TNC: variants seen among roughly 807,000 people sequenced by gnomAD.
The protein encoded by TNC is tenascin C, also known as tenascin.
TNC carries 109 observed loss-of-function variants against 202.4 expected under a neutral mutation model. That is an observed-to-expected ratio of 0.54 (90% confidence interval 0.46 to 0.63). The LOEUF is 0.63. Among genes scored for constraint, TNC ranks in the 30% least tolerant of loss-of-function variants. TNC has a pLI of 0.00. For synonymous variants in TNC, 1,007 were observed against 1,089.7 expected (o/e 0.92, Z 1.50); for missense variants, 2,756 against 2,833.3 (o/e 0.97, Z 0.62).
chr9:115,113,893 T>C (rs1316224772), intron 1 of TNC, among the ~76,000 whole-genome samples: 1 of 152,012 alleles, frequency 6.6e-6, no homozygotes, highest in Non-Finnish European at 1.5e-5. Flanking sequence ...GTTTCTAAAG[T>C]GGAAGAGAAG....
intron 25 of TNC, among the ~76,000 whole-genome samples, chr9:115,028,178 C>A (rs796883562): frequency 1.1e-4 from 17 of 152,260 alleles, no homozygotes; most frequent in African/African-American, 3.9e-4. Flanking sequence ...CCAAATTATC[C>A]TTAAGCTCCT....
In TNC at chr9:115,090,635, C is replaced by T. The variant is rs752376014; in HGVS notation, c.384G>A (p.Glu128=). ...TCAGGGAAGACACCAGGTTCTCCAG[C>T]TCCTCCAGTCTGCTCAGCAGCTCCT... ...DVKELLSRLE[E]LENLVSSLRE... is the part of the protein sequence containing the mutation. Residue 128 remains glutamate, a synonymous_variant, in exon 2 of 28, where the codon GAG becomes GAA. Transcript: ENST00000350763. 38 of 1,611,190 alleles carry T rather than the reference C, an allele frequency of 2.4e-5. No individual in the cohort carries two copies. Among genetic ancestry groups the T allele is most frequent in the Non-Finnish European group, 3.1e-5 (36 of 1,178,100 alleles).
intron 2 of TNC, among the ~76,000 whole-genome samples, chr9:115,087,920 G>A (rs552949291): frequency 1.3e-5 from 2 of 152,008 alleles, no homozygotes; most frequent in Non-Finnish European, 2.9e-5. Context: ...AGCCAGGATG[G>A]TCTCAATATC....
intron 1 of TNC, among the ~76,000 whole-genome samples, chr9:115,107,459 A>G (rs1753949622): frequency 6.6e-6 from 1 of 152,226 alleles, no homozygotes; most frequent in South Asian, 2.1e-4. Flanking sequence ...TTGAACAATA[A>G]GGAAACTAAC....
Position 115,084,301 on chromosome 9 carries a change from T to C in TNC, c.2039A>G (p.Gln680Arg), listed in dbSNP as rs1061494. 0.44 allele frequency: 709,160 copies of C among 1,613,844 alleles called. 158,340 individuals carry two copies. The highest frequency in any genetic ancestry group is 0.58 in the African/African-American group (43,346 of 74,954). ...GTACTCCACACCAGGCTCCAGCTCC[T>C]GGATGATGGTGGACGTCTGGTCCCC... Reference protein sequence around the residue: ...VPGDQTSTIIQELEPGVEYFI... With the variant: ...VPGDQTSTIIRELEPGVEYFI... Residue 680 changes from glutamine to arginine, a missense_variant, in exon 4 of 28, where the codon CAG (glutamine) becomes CGG (arginine). Physicochemically the swap from Gln to Arg is conservative, Grantham distance 43. This residue lies in a region of TNC where 2,559 missense variants were observed against 2,546.0 expected (regional missense o/e 1.01). Transcript: ENST00000350763.
At chr9:115,060,174 T>G (rs1832441807) in intron 13 of TNC, among the ~76,000 whole-genome samples, 172 bp from the exon 14 acceptor site, 1 of 152,198 alleles carries the variant, frequency 6.6e-6, no homozygotes, top group African/African-American at 2.4e-5. Context: ...CACAGTTGTC[T>G]TCAGGAGTTG....
intron 1 of TNC, among the ~76,000 whole-genome samples, chr9:115,108,511 C>G (rs928508524): frequency 2.0e-5 from 3 of 152,166 alleles, no homozygotes; most frequent in Admixed American, 6.5e-5. Flanking sequence ...CACCTCTCAC[C>G]CCATCTAAAA....
At chr9:115,108,159 G>A (rs1836758230) in intron 1 of TNC, among the ~76,000 whole-genome samples, 1 of 152,112 alleles carries the variant, frequency 6.6e-6, no homozygotes, top group African/African-American at 2.4e-5. Flanking sequence ...TGCCTATTTT[G>A]TCCCAAGCAG....
rs1347367852 is a variant in TNC, at chr9:115,086,119, C to T, written c.1612G>A (p.Gly538Ser). Residue 538 changes from glycine to serine, a missense_variant, in exon 3 of 28, where the codon GGC (glycine) becomes AGC (serine). By Grantham distance (56) the Gly-to-Ser change is moderately conservative. Coordinates refer to ENST00000350763, the MANE Select transcript of TNC (RefSeq NM_002160.4). ...TGCCCATTCACACAGCGACCCTGGCCATGGCAGTCATTTGGACAGGAGAGT... is the reference window on the plus strand; with the variant it reads ...TGCCCATTCACACAGCGACCCTGGCTATGGCAGTCATTTGGACAGGAGAGT... ...AELSCPNDCH[G>S]QGRCVNGQCV... 3.7e-6 allele frequency: 6 copies of T among 1,613,788 alleles called. No homozygotes were observed. Among genetic ancestry groups the T allele is most frequent in the Non-Finnish European group, 5.1e-6 (6 of 1,179,846 alleles).
At chr9:115,043,306 A>G (rs1009597682) in intron 17 of TNC, among the ~76,000 whole-genome samples, 24 of 151,798 alleles carry the variant, frequency 1.6e-4, no homozygotes, top group African/African-American at 5.6e-4. Context: ...TTTTTCTCTC[A>G]TCTAAGACAT....
In TNC at chr9:115,020,953, C is replaced by T; in HGVS notation, c.*204G>A. ...CAACAAAACAGAAACATGTTGGAGA[C>T]TGATGTCTTTGGTGCAAAGAAAGAA... On this transcript the variant is annotated 3_prime_UTR_variant, in exon 28 of 28. Coordinates refer to ENST00000350763, the MANE Select transcript of TNC (RefSeq NM_002160.4). The T allele has an allele frequency of 1.8e-6, 1 of 542,018 alleles. No homozygotes were observed. The allele number at this position is 542,018 out of a possible 1,614,324, so 33.6% of individuals were successfully genotyped here. A position where few individuals can be genotyped will look rare whatever the true frequency, so the allele number is the denominator to read the frequency against.
intron 22 of TNC, among the ~76,000 whole-genome samples, chr9:115,032,482 T>C (rs900758860): frequency 6.6e-6 from 1 of 152,112 alleles, no homozygotes; most frequent in Non-Finnish European, 1.5e-5. Flanking sequence ...TCACACAGGG[T>C]AAGGGACTTT....
intron 19 of TNC, among the ~76,000 whole-genome samples, chr9:115,040,452 T>A (rs1830645054): frequency 1.3e-5 from 2 of 152,148 alleles, no homozygotes; most frequent in Admixed American, 1.3e-4. Context: ...TTCCAGGCAA[T>A]AGGCGGGGAG....
At chr9:115,083,054 T>A (rs1757106) in intron 4 of TNC, among the ~76,000 whole-genome samples, 1 of 152,004 alleles carries the variant, frequency 6.6e-6, no homozygotes, top group Non-Finnish European at 1.5e-5. Context: ...AACGCAGGCT[T>A]TGGAATCAGA....
Position 115,085,894 on chromosome 9 carries a change from C to A in TNC, c.1837G>T (p.Glu613Ter). Reference protein sequence around the residue: ...QCVSGRCICNEGYSGEDCSEV... With the variant: ...QCVSGRCICN ...GAGCAGTCTTCTCCGCTGTAGCCCT[C>A]GTTGCAGATGCAGCGGCCCGAGACG... The change falls in exon 3 of 28, where the codon GAG becomes TAG. Residue 613 changes from glutamate (E) to a stop codon, truncating the protein, a stop_gained. Coordinates refer to ENST00000350763, the MANE Select transcript of TNC (RefSeq NM_002160.4). LOFTEE classifies it high-confidence loss of function. The A allele has an allele frequency of 6.2e-7, 1 of 1,612,356 alleles. No individual in the cohort carries two copies. Among genetic ancestry groups the A allele is most frequent in the Non-Finnish European group, 8.5e-7 (1 of 1,178,652 alleles).
In TNC at chr9:115,107,199, AT is replaced by A. The variant is rs575524985; in HGVS notation, c.-137+10782del. On this transcript the variant is annotated intron_variant, in intron 1 of 27. Coordinates refer to ENST00000350763, the MANE Select transcript of TNC (RefSeq NM_002160.4). ...GGTTGACTGGAAGGGATCAGTAAACATTTCCTTAAATGACCAAATAGAAAAT... is the reference window on the plus strand; with the variant it reads ...GGTTGACTGGAAGGGATCAGTAAACATTCCTTAAATGACCAAATAGAAAAT... Among the ~76,000 whole-genome samples the A allele has an allele frequency of 8.5e-5, 13 of 152,276 alleles. No individual in the cohort carries two copies. In the South Asian group the frequency reaches 2.7e-3, roughly 32 times the overall value.
Position 115,021,051 on chromosome 9 carries a change from A to C in TNC, c.*106T>G, listed in dbSNP as rs1174522045. 1 of 891,896 alleles carries C rather than the reference A, an allele frequency of 1.1e-6. No homozygotes were observed. Among genetic ancestry groups the C allele is most frequent in the Non-Finnish European group, 1.7e-6 (1 of 576,554 alleles). The allele number at this position is 891,896 out of a possible 1,614,324, so 55.2% of individuals were successfully genotyped here. A position where few individuals can be genotyped will look rare whatever the true frequency, so the allele number is the denominator to read the frequency against. On this transcript the variant is annotated 3_prime_UTR_variant, in exon 28 of 28. Transcript: ENST00000350763. ...CCATGGTCAGCTTTGACTCTCACCA[A>C]ATGCCCAGGTGTGGACCGATGGTTG...
intron 1 of TNC, among the ~76,000 whole-genome samples, chr9:115,108,436 C>T (rs1489180559): frequency 2.0e-5 from 3 of 152,176 alleles, no homozygotes; most frequent in African/African-American, 7.2e-5. Flanking sequence ...GAAATTCAAA[C>T]TCCTAGCCAT....
At chr9:115,030,965 C>A (rs1407835519) in intron 23 of TNC, among the ~76,000 whole-genome samples, 1 of 152,202 alleles carries the variant, frequency 6.6e-6, no homozygotes, top group Non-Finnish European at 1.5e-5. Flanking sequence ...CTGTAACTCA[C>A]AAGATAGTCT....
Sources: allele counts gnomAD v4.1 joint callset (sites outside exome capture counted in the v4.1 genomes callset), GRCh38; gene constraint gnomAD v4.1.1; regional missense constraint gnomAD v4.1.1; transcripts MANE v1.5; gene names NCBI Gene and HGNC (gene_info 2026-07-23, HGNC 2026-07-21).